Variants in HSF5 observed in about 807,000 individuals in gnomAD.
The protein encoded by HSF5 is heat shock factor protein 5.
HSF5 carries 5 observed loss-of-function variants against 50.8 expected under a neutral mutation model. The ratio of observed to expected loss-of-function variants is 0.10; its 90% confidence interval spans 0.05 to 0.21. HSF5 has a LOEUF of 0.21. Ranked by LOEUF, HSF5 falls within the 10% of genes least tolerant of loss-of-function variation. HSF5 has a pLI of 1.00. For missense variants in HSF5, 564 were observed against 762.6 expected (o/e 0.74, Z 3.07); for synonymous variants, 307 against 307.4 (o/e 1.00, Z 0.02).
intron 4 of HSF5, among the ~76,000 whole-genome samples, chr17:58,460,144 A>T (rs912135421): frequency 6.6e-6 from 1 of 152,016 alleles, no homozygotes; most frequent in African/African-American, 2.4e-5. Context: ...CAGCCTCCCA[A>T]GTACCTAGGA....
chr17:58,466,880 C>T lies in HSF5; in HGVS notation c.1020+5G>A. 1 of 1,566,726 alleles carries T rather than the reference C, an allele frequency of 6.4e-7. No individual in the cohort carries two copies. The highest frequency in any genetic ancestry group is 8.8e-7 in the Non-Finnish European group (1 of 1,137,066). On this transcript the variant is annotated splice_donor_5th_base_variant and intron_variant, in intron 3 of 5. Coordinates refer to ENST00000323777, the MANE Select transcript of HSF5 (RefSeq NM_001080439.3). ...GGAGCATGGCCACAGTTGCAAGAAT[C>T]TTACCTGGAAGTAGTTGCAGTGTGC...
intron 1 of HSF5, among the ~76,000 whole-genome samples, chr17:58,485,536 C>T (rs1448739633): frequency 1.3e-5 from 2 of 151,860 alleles, no homozygotes; most frequent in Non-Finnish European, 2.9e-5. Context: ...CACTTGAGCC[C>T]AGGAGTTCCA....
chr17:58,439,298 A>C (rs75514816), intron 5 of HSF5, among the ~76,000 whole-genome samples: 4 of 144,974 alleles, frequency 2.8e-5, no homozygotes, highest in Admixed American at 6.9e-5. Context: ...AACAACAACC[A>C]AAAAAAAAAA....
At chr17:58,481,381 G>A (rs1463020214) in intron 1 of HSF5, among the ~76,000 whole-genome samples, 1 of 152,178 alleles carries the variant, frequency 6.6e-6, no homozygotes, top group Non-Finnish European at 1.5e-5. Flanking sequence ...AAGGAAGAGA[G>A]AGAAAGGGCA....
intron 5 of HSF5, among the ~76,000 whole-genome samples, chr17:58,444,840 G>T (rs1974538663): frequency 2.6e-5 from 4 of 151,962 alleles, no homozygotes; most frequent in Admixed American, 2.6e-4. Flanking sequence ...TTCGCTAAGG[G>T]GTTAATATTC....
At chr17:58,479,856 C>T (rs939661910) in intron 2 of HSF5, 37 bp downstream of exon 2, 2 of 1,554,978 alleles carry the variant, frequency 1.3e-6, no homozygotes, top group Non-Finnish European at 8.7e-7. Flanking sequence ...TTATAAACAA[C>T]CTTAAATAGA....
chr17:58,482,220 G>GA (rs541670096), intron 1 of HSF5, among the ~76,000 whole-genome samples: 76 of 152,156 alleles, frequency 5.0e-4, no homozygotes, highest in Non-Finnish European at 8.5e-4. Flanking sequence ...CTAATAGGGG[G>GA]AAAAAATCCT....
intron 5 of HSF5, among the ~76,000 whole-genome samples, chr17:58,434,159 C>T (rs1002589296): frequency 2.0e-5 from 3 of 151,724 alleles, no homozygotes; most frequent in Non-Finnish European, 4.4e-5. Context: ...GTGATCCACC[C>T]GCCTCAACCT....
intron 5 of HSF5, among the ~76,000 whole-genome samples, chr17:58,430,774 C>T (rs1423067262): frequency 1.3e-5 from 2 of 152,144 alleles, no homozygotes; most frequent in Admixed American, 1.3e-4. Context: ...ACAGTATATG[C>T]CAATTTCCCT....
At chr17:58,446,137 C>CAAAAAAAAAA (rs575406434) in intron 5 of HSF5, among the ~76,000 whole-genome samples, 1 of 47,838 alleles carries the variant, frequency 2.1e-5, no homozygotes, top group African/African-American at 7.7e-5. Flanking sequence ...AACTCCATCT[C>CAAAAAAAAAA]AAAAAAAAAA....
rs369295155 is a variant in HSF5, at chr17:58,458,842, C to A, written c.1646G>T (p.Ser549Ile). ...ISEMGPASKP[S>I]EDTGLATPAR... ...TGGAGTGGCTAAACCTGTGTCTTCACTAGGCTTGCTAGCAGGCCCCATTTC... is the reference window on the plus strand; with the variant it reads ...TGGAGTGGCTAAACCTGTGTCTTCAATAGGCTTGCTAGCAGGCCCCATTTC... The change falls in exon 5 of 6, where the codon AGT (serine) becomes ATT (isoleucine). Residue 549 changes from serine (S) to isoleucine (I), a missense_variant. Physicochemically the swap from Ser to Ile is moderately radical, Grantham distance 142 (BLOSUM62 -2). This residue lies in a region of HSF5 where 441 missense variants were observed against 533.6 expected (regional missense o/e 0.83). Transcript: ENST00000323777. 1 of 1,614,134 alleles carries A rather than the reference C, an allele frequency of 6.2e-7. No homozygotes were observed. The highest frequency in any genetic ancestry group is 1.7e-5 in the Admixed American group (1 of 60,022).
In HSF5 at chr17:58,465,831, T is replaced by C. The variant is rs77567587; in HGVS notation, c.1020+1054A>G. Among the ~76,000 whole-genome samples, 263 of 152,286 alleles carry C rather than the reference T, an allele frequency of 1.7e-3. 6 individuals carry two copies. The East Asian group carries it at 0.035, about 20-fold the overall frequency. On this transcript the variant is annotated intron_variant, in intron 3 of 5. Coordinates refer to ENST00000323777, the MANE Select transcript of HSF5 (RefSeq NM_001080439.3). ...AAAATAGCTATATAAAACGTTTAAC[T>C]CCAAGCAAGTGTCTCCTAAGAAACA...
At position 58,421,244 on chromosome 17, in the gene HSF5, A is replaced by G. The variant is rs1171286042; in HGVS notation, c.*1116T>C. The G allele has an allele frequency of 6.6e-6, 1 of 152,648 alleles. No homozygotes were observed. Among genetic ancestry groups the G allele is most frequent in the African/African-American group, 2.4e-5 (1 of 41,452 alleles). The allele number at this position is 152,648 out of a possible 1,614,324, so 9.5% of individuals were successfully genotyped here. A position where few individuals can be genotyped will look rare whatever the true frequency, so the allele number is the denominator to read the frequency against. ...GTAACAGGGATAAGAAAAAAATGTT[A>G]CCATCTATCCCATTATCCAAAATTC... On this transcript the variant is annotated 3_prime_UTR_variant, in exon 6 of 6. Coordinates refer to ENST00000323777, the MANE Select transcript of HSF5 (RefSeq NM_001080439.3).
chr17:58,456,166 TAC>T (rs750773079), intron 5 of HSF5, among the ~76,000 whole-genome samples: 23,617 of 141,170 alleles, frequency 0.17, 2,352 homozygotes, highest in Non-Finnish European at 0.2. Context: ...TGTGTGTATA[TAC>T]ACACACACAC....
At chr17:58,449,787 G>C (rs192787215) in intron 5 of HSF5, among the ~76,000 whole-genome samples, 139 of 151,672 alleles carry the variant, frequency 9.2e-4, no homozygotes, top group African/African-American at 3.2e-3. Context: ...ACTTTGGGAG[G>C]CCGAGGCGGG....
At chr17:58,480,303 G>C in intron 1 of HSF5, 36 bp from the exon 2 acceptor site, 1 of 1,554,450 alleles carries the variant, frequency 6.4e-7, no homozygotes, top group Non-Finnish European at 8.7e-7. Flanking sequence ...TACTAATTTT[G>C]CATTACATCA....
At chr17:58,478,864 CA>C (rs11363228) in intron 2 of HSF5, among the ~76,000 whole-genome samples, 50,101 of 95,090 alleles carry the variant, frequency 0.53, 9,564 homozygotes, top group African/African-American at 0.64. Context: ...ACTCCATCTC[CA>C]AAAAAAAAAA....
At chr17:58,479,458 G>A (rs1041763802) in intron 2 of HSF5, among the ~76,000 whole-genome samples, 20 of 151,724 alleles carry the variant, frequency 1.3e-4, no homozygotes, top group African/African-American at 2.2e-4. Flanking sequence ...GCCTGCCACC[G>A]TGCCTGGCTA....
At chr17:58,437,290 T>C (rs1974439807) in intron 5 of HSF5, among the ~76,000 whole-genome samples, 3 of 152,204 alleles carry the variant, frequency 2.0e-5, no homozygotes, top group African/African-American at 7.2e-5. Context: ...CAATCATATC[T>C]AAACCTCAAA....
Sources: gnomAD v4.1 joint callset for allele counts (sites outside exome capture counted in the v4.1 genomes callset) on GRCh38, gnomAD v4.1.1 for gene constraint, gnomAD v4.1.1 regional missense constraint, MANE v1.5 for transcripts, NCBI Gene and HGNC (gene_info 2026-07-23, HGNC 2026-07-21) for gene names.